The following PCDH15 variants were observed in gnomAD, a reference collection of about 807,000 sequenced individuals.
PCDH15 encodes protocadherin related 15.
In PCDH15, 129 loss-of-function variants were observed where a neutral mutation model predicts 178.5. The observed-to-expected ratio is 0.72, with a 90% confidence interval of 0.63 to 0.84. PCDH15 has a LOEUF of 0.84. Ranked by LOEUF, PCDH15 falls within the 40% of genes least tolerant of loss-of-function variation. The probability of loss-of-function intolerance (pLI) is 0.00; values close to 1 mark genes in which losing one functional copy is unlikely to be tolerated. For synonymous variants in PCDH15, 800 were observed against 732.0 expected (o/e 1.09, Z -1.50); for missense variants, 2,230 against 2,099.9 (o/e 1.06, Z -1.21).
Position 54,462,680 on chromosome 10 carries a change from A to ATTTTT in PCDH15, c.157+65127_157+65131dup, listed in dbSNP as rs767750465. The stretch of plus-strand genomic sequence containing the variant: ...AGGCACGTGTCACCACACCTGCTTA[A>ATTTTT]TTTTTTTTTTTTTTTTTTTTTTTTT... On this transcript the variant is annotated intron_variant, in intron 3 of 37. Transcript: ENST00000644397. 1.3e-3 allele frequency among the ~76,000 whole-genome samples: 73 copies of ATTTTT among 56,236 alleles called. 8 individuals carry two copies. Among genetic ancestry groups the ATTTTT allele is most frequent in the African/African-American group, 4.9e-3 (55 of 11,254 alleles). The allele number at this position is 56,236 out of a possible 152,430, so 36.9% of individuals were successfully genotyped here. A position where few individuals can be genotyped will look rare whatever the true frequency, so the allele number is the denominator to read the frequency against.
At chr10:54,597,211 C>T (rs1189291111) in intron 2 of PCDH15, among the ~76,000 whole-genome samples, 1 of 152,058 alleles carries the variant, frequency 6.6e-6, no homozygotes, top group Non-Finnish European at 1.5e-5. Context: ...AAGCAATCCT[C>T]AGCAAATGCA....
At chr10:55,209,449 T>C (rs1406724478) in intron 1 of PCDH15, among the ~76,000 whole-genome samples, 1 of 152,048 alleles carries the variant, frequency 6.6e-6, no homozygotes, top group African/African-American at 2.4e-5. Context: ...AGGAGGCTAT[T>C]GTACTGGTCT....
chr10:55,157,233 T>C (rs1402147401), intron 2 of PCDH15, among the ~76,000 whole-genome samples: 1 of 151,860 alleles, frequency 6.6e-6, no homozygotes, highest in African/African-American at 2.4e-5. Flanking sequence ...ATCAGAGAAA[T>C]GCAAATTAAA....
chr10:55,421,104 C>A (rs1317742767), intron 2 of PCDH15, among the ~76,000 whole-genome samples: 2 of 149,320 alleles, frequency 1.3e-5, no homozygotes, highest in Non-Finnish European at 3.0e-5. Context: ...CTAAACCCAA[C>A]TGATCTAAAC....
At chr10:55,609,009 T>TACACACAC (rs548938586) in intron 2 of PCDH15, among the ~76,000 whole-genome samples, 22 of 99,456 alleles carry the variant, frequency 2.2e-4, no homozygotes, top group African/African-American at 7.4e-4. Context: ...ATATGTTATA[T>TACACACAC]ATATATACAC....
At chr10:54,076,798 G>A (rs1439003363) in intron 17 of PCDH15, among the ~76,000 whole-genome samples, 1 of 151,940 alleles carries the variant, frequency 6.6e-6, no homozygotes, top group Non-Finnish European at 1.5e-5. Flanking sequence ...ATTTTGAGAT[G>A]GTAGAAAACG....
intron 18 of PCDH15, among the ~76,000 whole-genome samples, chr10:54,048,815 T>C (rs536459453): frequency 6.6e-6 from 1 of 152,292 alleles, no homozygotes. Context: ...TTTGGTTTTG[T>C]TCTTTCTGCT....
intron 2 of PCDH15, among the ~76,000 whole-genome samples, chr10:55,334,274 GTGTGTGTGTGTA>G (rs2132314057): frequency 2.3e-5 from 3 of 131,726 alleles, no homozygotes; most frequent in African/African-American, 1.0e-4. Context: ...GTGTGTGTGT[GTGTGTGTGTGTA>G]TGTGTATATA....
intron 26 of PCDH15, among the ~76,000 whole-genome samples, chr10:53,893,808 G>A (rs974491853): frequency 2.0e-5 from 3 of 152,122 alleles, no homozygotes; most frequent in Non-Finnish European, 4.4e-5. Flanking sequence ...AGAGTGGGAG[G>A]AAGGTGAGGG....
At chr10:55,146,923 T>C (rs1838529171) in intron 2 of PCDH15, among the ~76,000 whole-genome samples, 1 of 151,490 alleles carries the variant, frequency 6.6e-6, no homozygotes, top group Non-Finnish European at 1.5e-5. Context: ...TGTGTGTATA[T>C]GTGGCGGGGT....
intron 2 of PCDH15, among the ~76,000 whole-genome samples, chr10:55,380,100 C>G (rs918631574): frequency 6.6e-6 from 1 of 152,000 alleles, no homozygotes; most frequent in African/African-American, 2.4e-5. Context: ...AGCCAGAACT[C>G]ACATGAGAAA....
At chr10:54,808,602 T>A (rs1460016467) in intron 3 of PCDH15, among the ~76,000 whole-genome samples, 1 of 152,226 alleles carries the variant, frequency 6.6e-6, no homozygotes, top group African/African-American at 2.4e-5. Flanking sequence ...GGACAGCTGA[T>A]TTATTTCTTG....
chr10:55,258,583 G>A (rs1592027876), intron 1 of PCDH15, among the ~76,000 whole-genome samples: 1 of 152,084 alleles, frequency 6.6e-6, no homozygotes, highest in East Asian at 1.9e-4. Context: ...TGAGGTTGCT[G>A]CAGACCCATA....
chr10:54,697,422 A>C (rs2095244176), intron 1 of PCDH15, among the ~76,000 whole-genome samples: 1 of 151,630 alleles, frequency 6.6e-6, no homozygotes, highest in South Asian at 2.1e-4. Context: ...CTGAGAACAC[A>C]GTTTAATTTA....
chr10:55,139,070 C>G (rs539205519), intron 2 of PCDH15, among the ~76,000 whole-genome samples: 41 of 152,024 alleles, frequency 2.7e-4, no homozygotes, highest in African/African-American at 8.4e-4. Flanking sequence ...TCCTCAATGG[C>G]TAATAATGTT....
At chr10:54,539,663 A>G (rs978953311) in intron 2 of PCDH15, among the ~76,000 whole-genome samples, 12 of 152,252 alleles carry the variant, frequency 7.9e-5, no homozygotes, top group African/African-American at 2.9e-4. Context: ...CCATATATCA[A>G]CCACAGAATA....
intron 2 of PCDH15, among the ~76,000 whole-genome samples, chr10:55,114,691 A>G (rs777616555): frequency 6.6e-6 from 1 of 152,204 alleles, no homozygotes; most frequent in Non-Finnish European, 1.5e-5. Flanking sequence ...CCTGCACTCA[A>G]TAAGGATAAA....
intron 25 of PCDH15, among the ~76,000 whole-genome samples, chr10:53,910,711 T>G (rs1239297612): frequency 1.3e-5 from 2 of 152,028 alleles, no homozygotes; most frequent in Non-Finnish European, 2.9e-5. Context: ...AATAACAAAC[T>G]TGTCCGAGCT....
intron 2 of PCDH15, among the ~76,000 whole-genome samples, chr10:54,927,651 G>A (rs1631983): frequency 0.14 from 20,536 of 152,030 alleles, 1,573 homozygotes; most frequent in East Asian, 0.23. Context: ...AGGATAGTTA[G>A]GTCTTCTTGC....
Sources: gnomAD v4.1 joint callset for allele counts (sites outside exome capture counted in the v4.1 genomes callset) on GRCh38, gnomAD v4.1.1 for gene constraint, MANE v1.5 for transcripts, NCBI Gene and HGNC (gene_info 2026-07-23, HGNC 2026-07-21) for gene names.